GLG1: variants seen among roughly 807,000 people sequenced by gnomAD.
GLG1 encodes the protein golgi glycoprotein 1.
GLG1 carries 38 observed loss-of-function variants against 160.5 expected under a neutral mutation model. The ratio of observed to expected loss-of-function variants is 0.24; its 90% CI spans 0.18 to 0.31. The LOEUF is 0.31. Ranked by LOEUF, GLG1 falls within the 10% of genes least tolerant of loss-of-function variation. The probability of loss-of-function intolerance (pLI) is 1.00; values close to 1 mark genes in which losing one functional copy is unlikely to be tolerated. For missense variants in GLG1, 1,373 were observed against 1,505.2 expected, an observed-to-expected ratio of 0.91 and a Z score of 1.45; for synonymous variants, 644 against 543.4, an observed-to-expected ratio of 1.19 and a Z score of -2.57.
intron 1 of GLG1, among the ~76,000 whole-genome samples, chr16:74,540,801 C>T (rs1351944239): frequency 2.0e-5 from 3 of 151,992 alleles, no homozygotes; most frequent in Non-Finnish European, 4.4e-5. Context: ...GGGGAAGAAC[C>T]TTGGACAGGT....
At chr16:74,514,112 C>G (rs187041616) in intron 2 of GLG1, among the ~76,000 whole-genome samples, 2 of 152,228 alleles carry the variant, frequency 1.3e-5, no homozygotes, top group African/African-American at 4.8e-5. Flanking sequence ...AAGAAACGAA[C>G]AAAACCTCCA....
chr16:74,509,163 A>ATTTTT (rs11295055), intron 2 of GLG1, among the ~76,000 whole-genome samples: 2 of 89,614 alleles, frequency 2.2e-5, no homozygotes, highest in African/African-American at 4.6e-5. Flanking sequence ...CTAAAGGACA[A>ATTTTT]TTTTTTTTTT....
chr16:74,458,015 C>T, intron 23 of GLG1, 21 bp from the exon 24 acceptor site: 1 of 1,611,816 alleles, frequency 6.2e-7, no homozygotes, highest in Admixed American at 1.7e-5. Context: ...AGGGTCATTG[C>T]AGACAGAGCT....
At chr16:74,500,062 T>G (rs1237108606) in intron 4 of GLG1, among the ~76,000 whole-genome samples, 3 of 152,214 alleles carry the variant, frequency 2.0e-5, no homozygotes, top group Non-Finnish European at 4.4e-5. Context: ...CCATTCATTG[T>G]AACTTTCAGA....
At chr16:74,504,690 A>G (rs1388169821) in intron 3 of GLG1, among the ~76,000 whole-genome samples, 1 of 152,194 alleles carries the variant, frequency 6.6e-6, no homozygotes, top group African/African-American at 2.4e-5. Flanking sequence ...TCTGGGACAC[A>G]TGTGGTCTGG....
chr16:74,459,851 C>CTT, intron 22 of GLG1, 62 bp from the exon 23 acceptor site: 1 of 793,346 alleles, frequency 1.3e-6, no homozygotes, highest in Non-Finnish European at 2.0e-6. Context: ...CTGACAGTTT[C>CTT]TTCTTTTTTT....
intron 1 of GLG1, among the ~76,000 whole-genome samples, chr16:74,590,793 C>T (rs1422529370): frequency 8.9e-6 from 1 of 112,670 alleles, no homozygotes; most frequent in African/African-American, 3.1e-5. Flanking sequence ...GTGAAACTGT[C>T]TCAAAAAAAA....
chr16:74,585,845 T>C (rs1036771987), intron 1 of GLG1, among the ~76,000 whole-genome samples: 1 of 151,952 alleles, frequency 6.6e-6, no homozygotes, highest in Non-Finnish European at 1.5e-5. Context: ...GGTAGACCAC[T>C]TGAGGTCAGG....
chr16:74,591,286 G>A (rs919639938), intron 1 of GLG1, among the ~76,000 whole-genome samples: 18 of 150,778 alleles, frequency 1.2e-4, no homozygotes, highest in South Asian at 2.1e-4. Flanking sequence ...AGCCAACATC[G>A]TGCCACTGCA....
chr16:74,586,339 G>C (rs150921515), intron 1 of GLG1, among the ~76,000 whole-genome samples: 99 of 152,246 alleles, frequency 6.5e-4, no homozygotes, highest in African/African-American at 2.4e-3. Flanking sequence ...ATTAGCACAT[G>C]AACTGAAAGG....
chr16:74,537,263 G>A (rs1567510070), intron 1 of GLG1, among the ~76,000 whole-genome samples: 2 of 152,056 alleles, frequency 1.3e-5, no homozygotes, highest in African/African-American at 4.8e-5. Context: ...AAATGATACA[G>A]CAAACAAAGG....
At chr16:74,460,398 C>G (rs954455425) in intron 22 of GLG1, among the ~76,000 whole-genome samples, 17 of 152,096 alleles carry the variant, frequency 1.1e-4, no homozygotes, top group African/African-American at 3.9e-4. Flanking sequence ...CTCAGGTGAT[C>G]CTCCTACCTT....
At position 74,477,283 on chromosome 16, in the gene GLG1, A is replaced by T. The variant is rs564062281; in HGVS notation, c.1965+113T>A. ...GAGAAAATATTGAACAATACAACAA[A>T]TCACATCTGTAAGGTAAAGAGAGAT... On this transcript the variant is annotated intron_variant, in intron 12 of 25. Coordinates refer to ENST00000422840, the MANE Select transcript of GLG1 (RefSeq NM_001145667.2). 306 of 870,626 alleles carry T rather than the reference A, an allele frequency of 3.5e-4. No homozygotes were observed. In the African/African-American group the frequency reaches 4.7e-3, roughly 13 times the overall value. 53.9% of individuals were successfully genotyped at this position (870,626 alleles called of 1,614,324 possible).
intron 1 of GLG1, among the ~76,000 whole-genome samples, chr16:74,577,601 C>T (rs748967759): frequency 6.6e-6 from 1 of 150,820 alleles, no homozygotes; most frequent in Non-Finnish European, 1.5e-5. Context: ...TGACTTCACA[C>T]GAAAACATTC....
At chr16:74,565,389 T>C (rs1329043891) in intron 1 of GLG1, among the ~76,000 whole-genome samples, 1 of 152,196 alleles carries the variant, frequency 6.6e-6, no homozygotes, top group Admixed American at 6.5e-5. Flanking sequence ...TTGTTAAAGT[T>C]AGCCTAAAGC....
At chr16:74,553,566 G>A (rs1015145868) in intron 1 of GLG1, among the ~76,000 whole-genome samples, 8 of 147,410 alleles carry the variant, frequency 5.4e-5, no homozygotes, top group African/African-American at 1.8e-4. Context: ...TCCGCTTCCC[G>A]GGTTCACACC....
intron 1 of GLG1, among the ~76,000 whole-genome samples, chr16:74,596,208 C>T (rs559094517): frequency 2.7e-5 from 4 of 150,922 alleles, no homozygotes; most frequent in East Asian, 2.0e-4. Context: ...GGCAACAGAG[C>T]GAGACTCTGT....
intron 2 of GLG1, among the ~76,000 whole-genome samples, chr16:74,511,571 G>C (rs1324100183): frequency 3.0e-5 from 2 of 67,174 alleles, no homozygotes; most frequent in Non-Finnish European, 5.5e-5. Context: ...AGAATAACTT[G>C]AACCTTTTTT....
intron 4 of GLG1, among the ~76,000 whole-genome samples, chr16:74,500,934 A>G (rs891072144): frequency 3.3e-5 from 5 of 152,202 alleles, no homozygotes; most frequent in Non-Finnish European, 7.3e-5. Context: ...TAGTTTTGAA[A>G]TCATGACATT....
Sources: gnomAD v4.1 joint callset for allele counts (sites outside exome capture counted in the v4.1 genomes callset) on GRCh38, gnomAD v4.1.1 for gene constraint, MANE v1.5 for transcripts, NCBI Gene and HGNC (gene_info 2026-07-23, HGNC 2026-07-21) for gene names.